CDKN3: variants seen among roughly 807,000 people sequenced by gnomAD.
The protein encoded by CDKN3 is cyclin dependent kinase inhibitor 3.
CDKN3 carries 19 observed loss-of-function variants against 36.1 expected under a neutral mutation model. That is an observed-to-expected ratio of 0.53 (90% CI 0.37 to 0.77). The LOEUF is 0.77. Ranked by LOEUF, CDKN3 falls within the 30% of genes least tolerant of loss-of-function variation. The pLI is 0.00. For missense variants in CDKN3, 188 were observed against 248.6 expected (o/e 0.76, Z 1.64); for synonymous variants, 71 against 85.3 (o/e 0.83, Z 0.92).
At chr14:54,410,352 AGG>A (rs2030307974) in intron 4 of CDKN3, among the ~76,000 whole-genome samples, 1 of 152,220 alleles carries the variant, frequency 6.6e-6, no homozygotes, top group Admixed American at 6.5e-5. Context: ...TGTACATCTC[AGG>A]GATTAGTTCA....
At position 54,397,085 on chromosome 14, in the gene CDKN3, G is replaced by C; in HGVS notation, c.9+8G>C. On this transcript the variant is annotated splice_region_variant and intron_variant, in intron 1 of 7. Transcript: ENST00000335183. ...CGGCCAGCGATGAAGCCGGTGAGTC[G>C]GACGTGCTGGGGTTTGGAGGAGCGA... The C allele has an allele frequency of 6.7e-7, 1 of 1,501,122 alleles. No homozygotes were observed. The highest frequency in any genetic ancestry group is 8.9e-7 in the Non-Finnish European group (1 of 1,122,080). The allele number at this position is 1,501,122 out of a possible 1,614,324, so 93.0% of individuals were successfully genotyped here. A position where few individuals can be genotyped will look rare whatever the true frequency, so the allele number is the denominator to read the frequency against.
chr14:54,418,765 AC>A (rs2030632742), intron 7 of CDKN3, among the ~76,000 whole-genome samples: 2 of 152,056 alleles, frequency 1.3e-5, no homozygotes, highest in Non-Finnish European at 2.9e-5. Flanking sequence ...TCACCAAGCA[AC>A]CTGATTCTTA....
At chr14:54,398,448 G>A (rs1032655791) in intron 1 of CDKN3, among the ~76,000 whole-genome samples, 23 of 152,126 alleles carry the variant, frequency 1.5e-4, no homozygotes, top group African/African-American at 5.3e-4. Context: ...CCACTCTCTG[G>A]CACACAGGAG....
At chr14:54,418,108 T>C (rs1311062714) in intron 7 of CDKN3, 157 bp downstream of exon 7, 3 of 693,076 alleles carry the variant, frequency 4.3e-6, no homozygotes, top group Non-Finnish European at 8.0e-6. Flanking sequence ...CTTATGCTTT[T>C]AGTTTTTAAA....
chr14:54,412,786 G>A (rs1035348926), intron 5 of CDKN3: 13 of 448,736 alleles, frequency 2.9e-5, no homozygotes, highest in African/African-American at 1.4e-4. Flanking sequence ...GGACTTTGCC[G>A]TGCATAATGT....
intron 7 of CDKN3, among the ~76,000 whole-genome samples, chr14:54,419,210 T>A (rs531941772): frequency 1.3e-5 from 2 of 152,096 alleles, no homozygotes; most frequent in African/African-American, 4.8e-5. Flanking sequence ...TCACCTCTCT[T>A]CTCTTGAAAA....
At chr14:54,413,938 A>G (rs2030444245) in intron 5 of CDKN3, 1 of 661,912 alleles carries the variant, frequency 1.5e-6, no homozygotes, top group Non-Finnish European at 2.2e-6. Context: ...TTAAGATGAG[A>G]GCAGAGCCAT....
At chr14:54,401,803 C>G (rs1165374649) in intron 3 of CDKN3, among the ~76,000 whole-genome samples, 1 of 152,100 alleles carries the variant, frequency 6.6e-6, no homozygotes, top group South Asian at 2.1e-4. Flanking sequence ...CACCAGCCCC[C>G]GAAGTCCAAT....
In CDKN3 at chr14:54,399,814, G is replaced by T. The variant is rs1047407922; in HGVS notation, c.10-80G>T. On this transcript the variant is annotated intron_variant, in intron 1 of 7. Transcript: ENST00000335183. ...AATACATTGCAAATATGAATTCAGT[G>T]TGTGTTTAGACAAGGATTAGCTATC... The T allele has an allele frequency of 4.0e-6, 3 of 755,626 alleles. No homozygotes were observed. In the African/African-American group the frequency reaches 5.2e-5, roughly 13 times the overall value. 46.8% of individuals were successfully genotyped at this position (755,626 alleles called of 1,614,324 possible). A position where few individuals can be genotyped will look rare whatever the true frequency, so the allele number is the denominator to read the frequency against.
chr14:54,407,105 T>C (rs4901515), intron 3 of CDKN3, among the ~76,000 whole-genome samples: 58,582 of 152,096 alleles, frequency 0.39, 13,094 homozygotes, highest in Non-Finnish European at 0.5. Context: ...AGGCCCCTCT[T>C]CTGCAGGTCT....
At chr14:54,402,976 G>A (rs1358305177) in intron 3 of CDKN3, among the ~76,000 whole-genome samples, 2 of 151,942 alleles carry the variant, frequency 1.3e-5, no homozygotes, top group Non-Finnish European at 2.9e-5. Flanking sequence ...TTTGAAGTCA[G>A]GTAGCGTGAT....
intron 1 of CDKN3, among the ~76,000 whole-genome samples, chr14:54,397,614 A>C (rs1441129654): frequency 6.6e-6 from 1 of 152,262 alleles, no homozygotes; most frequent in Non-Finnish European, 1.5e-5. Flanking sequence ...CTGGGGAAGC[A>C]GAAACGTCCA....
At position 54,399,972 on chromosome 14, in the gene CDKN3, T is replaced by C; in HGVS notation, c.88T>C (p.Ser30Pro). The C allele has an allele frequency of 7.1e-7, 1 of 1,402,052 alleles. No homozygotes were observed. Among genetic ancestry groups the C allele is most frequent in the Non-Finnish European group, 1.0e-6 (1 of 986,994 alleles). The allele number at this position is 1,402,052 out of a possible 1,614,324, so 86.9% of individuals were successfully genotyped here. ...AGATGAACAGACTCCAATTCATATATCATGGTATGTTAGCATTTCTGATCA... is the reference window on the plus strand; with the variant it reads ...AGATGAACAGACTCCAATTCATATACCATGGTATGTTAGCATTTCTGATCA... ...IEDEQTPIHI[S>P]WLSLSRVNCS... Residue 30 changes from serine (S) to proline (P), a missense_variant, in exon 2 of 8, where the codon TCA becomes CCA. Transcript: ENST00000335183.
intron 4 of CDKN3, among the ~76,000 whole-genome samples, chr14:54,409,326 T>C (rs1321824945): frequency 6.6e-6 from 1 of 152,188 alleles, no homozygotes; most frequent in Admixed American, 6.5e-5. Flanking sequence ...CAATTTGGAA[T>C]TTACATATTG....
At chr14:54,413,650 T>C (rs1490232266) in intron 5 of CDKN3, 1 of 1,535,438 alleles carries the variant, frequency 6.5e-7, no homozygotes, top group South Asian at 1.2e-5. Flanking sequence ...TTTCTATCCA[T>C]TCTGCCATCT....
chr14:54,400,025 C>A (rs577602389), intron 2 of CDKN3, 49 bp downstream of exon 2: 4 of 870,264 alleles, frequency 4.6e-6, no homozygotes, highest in African/African-American at 3.3e-5. Flanking sequence ...CAATCTACAT[C>A]ATAAATGTAA....
At chr14:54,404,995 G>A (rs2030107907) in intron 3 of CDKN3, among the ~76,000 whole-genome samples, 1 of 152,202 alleles carries the variant, frequency 6.6e-6, no homozygotes, top group African/African-American at 2.4e-5. Context: ...GCTTTCTCAT[G>A]TGGGCATTTA....
At chr14:54,401,861 G>A (rs917251830) in intron 3 of CDKN3, among the ~76,000 whole-genome samples, 1 of 151,980 alleles carries the variant, frequency 6.6e-6, no homozygotes, top group South Asian at 2.1e-4. Flanking sequence ...TCCTGTTTAT[G>A]AGTGAGAACA....
chr14:54,413,485 C>T (rs1566709406), intron 5 of CDKN3: 1 of 709,452 alleles, frequency 1.4e-6, no homozygotes, highest in East Asian at 2.8e-5. Flanking sequence ...AACCCAAATG[C>T]TCTGATGTTT....
Sources: gnomAD v4.1 joint callset for allele counts (sites outside exome capture counted in the v4.1 genomes callset) on GRCh38, gnomAD v4.1.1 for gene constraint, MANE v1.5 for transcripts, NCBI Gene and HGNC (gene_info 2026-07-23, HGNC 2026-07-21) for gene names.